The following THEMIS variants were observed in gnomAD, a reference collection of about 807,000 sequenced individuals.
The protein encoded by THEMIS is protein THEMIS.
In THEMIS, 37 loss-of-function variants were observed where a neutral mutation model predicts 52.6. The observed-to-expected ratio is 0.70, with a 90% confidence interval of 0.54 to 0.93. The LOEUF (loss-of-function observed/expected upper bound fraction) is 0.93. THEMIS is among the 40% of genes least tolerant of loss of function. The pLI is 0.00. For synonymous variants in THEMIS, 292 were observed against 272.7 expected (o/e 1.07, Z -0.70); for missense variants, 808 against 763.1 (o/e 1.06, Z -0.69).
intron 1 of THEMIS, among the ~76,000 whole-genome samples, chr6:127,894,504 T>C (rs1780904996): frequency 6.6e-6 from 1 of 151,832 alleles, no homozygotes; most frequent in Non-Finnish European, 1.5e-5. Context: ...AGGAAACAGT[T>C]AAAAATACTT....
At chr6:127,740,925 A>T (rs886181102) in intron 4 of THEMIS, among the ~76,000 whole-genome samples, 1 of 152,300 alleles carries the variant, frequency 6.6e-6, no homozygotes, top group East Asian at 1.9e-4. Flanking sequence ...CTCTTGTAAT[A>T]ATGTTTGAAA....
At chr6:127,704,375 T>C (rs576691714), downstream of THEMIS, among the ~76,000 whole-genome samples, 3 of 152,286 alleles carry the variant, frequency 2.0e-5, no homozygotes, top group East Asian at 3.9e-4. Context: ...GCCATATTAC[T>C]TGAAAGATCT....
In THEMIS at chr6:127,709,955, T is replaced by G; in HGVS notation, c.*30A>C. 1 of 1,580,712 alleles carries G rather than the reference T, an allele frequency of 6.3e-7. No individual in the cohort carries two copies. Among genetic ancestry groups the G allele is most frequent in the South Asian group, 1.2e-5 (1 of 85,252 alleles). Reference sequence around the variant, plus strand: ...CTTTTTTCACTGCAACATTTATGTTTGCTGCCTAAGTGGCTTCTGTCACAT... The same window carrying G: ...CTTTTTTCACTGCAACATTTATGTTGGCTGCCTAAGTGGCTTCTGTCACAT... On this transcript the variant is annotated 3_prime_UTR_variant, in exon 6 of 6. Coordinates refer to ENST00000368248, the MANE Select transcript of THEMIS (RefSeq NM_001010923.3).
chr6:127,821,969 T>A (rs935769127), intron 3 of THEMIS, among the ~76,000 whole-genome samples: 3 of 152,038 alleles, frequency 2.0e-5, no homozygotes, highest in Non-Finnish European at 4.4e-5. Context: ...AGAAATTTTA[T>A]AAATTCTAGT....
chr6:127,860,149 AGTCTT>A (rs1291631208), intron 1 of THEMIS, among the ~76,000 whole-genome samples: 3 of 152,194 alleles, frequency 2.0e-5, no homozygotes, highest in African/African-American at 7.2e-5. Flanking sequence ...TTATATGGCC[AGTCTT>A]CCACAAAGAG....
At chr6:127,789,523 T>C (rs1777089343) in intron 4 of THEMIS, among the ~76,000 whole-genome samples, 1 of 152,176 alleles carries the variant, frequency 6.6e-6, no homozygotes, top group Non-Finnish European at 1.5e-5. Context: ...TAACTCAGTT[T>C]CAGAGACCAG....
the THEMIS span, among the ~76,000 whole-genome samples, chr6:127,702,872 C>T: frequency 1.3e-5 from 2 of 151,896 alleles, no homozygotes; most frequent in African/African-American, 4.8e-5. Context: ...CGTATTCACT[C>T]TCACGAGAAC....
intron 5 of THEMIS, among the ~76,000 whole-genome samples, chr6:127,717,594 T>C (rs77592581): frequency 0.05 from 7,550 of 151,854 alleles, 192 homozygotes; most frequent in East Asian, 0.091. Flanking sequence ...TGAGTGAGGT[T>C]TTACCGTACT....
chr6:127,861,050 C>T (rs543643496), intron 1 of THEMIS, among the ~76,000 whole-genome samples: 1 of 152,222 alleles, frequency 6.6e-6, no homozygotes, highest in Admixed American at 6.5e-5. Flanking sequence ...AAATCAGTGA[C>T]TGTGCATCTT....
chr6:127,743,052 A>G (rs1343683834), intron 4 of THEMIS, among the ~76,000 whole-genome samples: 4 of 152,172 alleles, frequency 2.6e-5, no homozygotes, highest in Non-Finnish European at 1.5e-5. Flanking sequence ...TAGAAATAAT[A>G]TATAGCACAT....
intron 2 of THEMIS, among the ~76,000 whole-genome samples, chr6:127,833,105 T>G (rs141326495): frequency 1.3e-5 from 2 of 152,050 alleles, no homozygotes; most frequent in East Asian, 1.9e-4. Flanking sequence ...AAAATAAATT[T>G]TATTGTTATT....
At chr6:127,807,478 A>G (rs1777758551) in intron 4 of THEMIS, 1 of 195,846 alleles carries the variant, frequency 5.1e-6, no homozygotes, top group Non-Finnish European at 1.1e-5. Context: ...AGGAAGTTCA[A>G]AAGTTTCCTT....
At chr6:127,698,134 A>G in the THEMIS span, among the ~76,000 whole-genome samples, 1 of 152,188 alleles carries the variant, frequency 6.6e-6, no homozygotes, top group Non-Finnish European at 1.5e-5. Flanking sequence ...ACTTAATTGA[A>G]TCATTTATGG....
intron 4 of THEMIS, among the ~76,000 whole-genome samples, chr6:127,753,534 T>C (rs11154427): frequency 0.039 from 5,982 of 151,996 alleles, 145 homozygotes; most frequent in Middle Eastern, 0.065. Flanking sequence ...TTAAAAGATA[T>C]CTACATTAAT....
At chr6:127,790,902 G>T (rs1777133840) in intron 4 of THEMIS, among the ~76,000 whole-genome samples, 1 of 152,198 alleles carries the variant, frequency 6.6e-6, no homozygotes. Context: ...AGCTTCCATG[G>T]CTGGCACCAG....
chr6:127,873,594 A>G (rs906868226), intron 1 of THEMIS, among the ~76,000 whole-genome samples: 3 of 152,212 alleles, frequency 2.0e-5, no homozygotes, highest in Non-Finnish European at 4.4e-5. Context: ...CATCCATAAA[A>G]TTAAAATAAT....
chr6:127,743,368 T>G (rs1389575877), intron 4 of THEMIS, among the ~76,000 whole-genome samples: 1 of 152,152 alleles, frequency 6.6e-6, no homozygotes, highest in African/African-American at 2.4e-5. Flanking sequence ...AATGAAAAAG[T>G]CTGCTTGACA....
Position 127,730,488 on chromosome 6 carries a change from G to A in THEMIS, c.1759-10665C>T, listed in dbSNP as rs193054479. Among the ~76,000 whole-genome samples, 4 of 147,188 alleles carry A rather than the reference G, an allele frequency of 2.7e-5. No homozygotes were observed. The East Asian group carries it at 6.0e-4, about 22-fold the overall frequency. ...AAGAGAAAGAGACAGAAAGAAGAAA[G>A]AAAGAAAGAAATGAAAAAGAAGGAA... On this transcript the variant is annotated intron_variant, in intron 4 of 5. Coordinates refer to ENST00000368248, the MANE Select transcript of THEMIS (RefSeq NM_001010923.3).
At chr6:127,806,587 C>T (rs1370578704) in intron 4 of THEMIS, among the ~76,000 whole-genome samples, 3 of 152,166 alleles carry the variant, frequency 2.0e-5, no homozygotes, top group Non-Finnish European at 4.4e-5. Flanking sequence ...CAGAGAAAAT[C>T]AGTATTTTAT....
Sources: gnomAD v4.1 joint callset for allele counts (sites outside exome capture counted in the v4.1 genomes callset) on GRCh38, gnomAD v4.1.1 for gene constraint, MANE v1.5 for transcripts, NCBI Gene and HGNC (gene_info 2026-07-23, HGNC 2026-07-21) for gene names.